ACSBG2: variants seen among roughly 807,000 people sequenced by gnomAD.
ACSBG2 encodes long-chain-fatty-acid--CoA ligase ACSBG2.
ACSBG2 carries 62 observed loss-of-function variants against 74.7 expected under a neutral mutation model. The observed-to-expected ratio is 0.83, with a 90% CI of 0.68 to 1.03. The LOEUF is 1.03. Ranked by LOEUF, ACSBG2 falls within the 50% of genes least tolerant of loss-of-function variation. ACSBG2 has a pLI of 0.00. For synonymous variants in ACSBG2, 309 were observed against 294.1 expected, an observed-to-expected ratio of 1.05 and a Z score of -0.52; for missense variants, 730 against 817.6, an observed-to-expected ratio of 0.89 and a Z score of 1.31.
chr19:6,175,225 T>C (rs532951906), intron 7 of ACSBG2: 1 of 152,362 alleles, frequency 6.6e-6, no homozygotes, highest in East Asian at 1.9e-4. Context: ...GAGGGATATT[T>C]TGGGCTGACT....
At position 6,190,424 on chromosome 19, in the gene ACSBG2, A is replaced by G. The variant is rs145664486; in HGVS notation, c.1928-160A>G. ...TGAAGGATCACATGGAAGTTTTATC[A>G]TCCCCATACAGATGGCAAAAGTTAC... On this transcript the variant is annotated intron_variant, in intron 13 of 14. Coordinates refer to ENST00000588485, the MANE Select transcript of ACSBG2 (RefSeq NM_030924.5). 6 of 595,790 alleles carry G rather than the reference A, an allele frequency of 1.0e-5. No individual in the cohort carries two copies. The African/African-American group carries it at 1.1e-4, about 11-fold the overall frequency. 36.9% of individuals were successfully genotyped at this position (595,790 alleles called of 1,614,324 possible).
At chr19:6,155,088 A>G (rs2089373447) in intron 4 of ACSBG2, among the ~76,000 whole-genome samples, 2 of 152,194 alleles carry the variant, frequency 1.3e-5, no homozygotes, top group Non-Finnish European at 2.9e-5. Context: ...ACCATCTCAA[A>G]TAATTATAAT....
At chr19:6,186,735 C>T (rs1381800996) in intron 11 of ACSBG2, among the ~76,000 whole-genome samples, 2 of 152,162 alleles carry the variant, frequency 1.3e-5, no homozygotes, top group African/African-American at 2.4e-5. Flanking sequence ...GAGAAGGTCT[C>T]GCTCTGTTGG....
intron 7 of ACSBG2, chr19:6,175,388 A>T (rs565516455): frequency 1.3e-5 from 2 of 152,310 alleles, no homozygotes; most frequent in East Asian, 3.8e-4. Flanking sequence ...TTGGGAACAG[A>T]TAAGAAATGA....
At chr19:6,139,786 T>C (rs1004609865) in intron 1 of ACSBG2, among the ~76,000 whole-genome samples, 2 of 152,158 alleles carry the variant, frequency 1.3e-5, no homozygotes, top group African/African-American at 4.8e-5. Context: ...TATTTAGAAT[T>C]TGTGATTTTA....
chr19:6,155,322 A>G (rs981263704), intron 4 of ACSBG2, among the ~76,000 whole-genome samples: 5 of 152,186 alleles, frequency 3.3e-5, no homozygotes, highest in Non-Finnish European at 4.4e-5. Context: ...AGACTAAATC[A>G]TGCAAGTTAA....
At chr19:6,153,088 C>CA (rs965666964) in intron 4 of ACSBG2, among the ~76,000 whole-genome samples, 2 of 151,694 alleles carry the variant, frequency 1.3e-5, no homozygotes, top group African/African-American at 2.4e-5. Context: ...CTAAAAATAC[C>CA]AAAAAAATCA....
intron 5 of ACSBG2, among the ~76,000 whole-genome samples, chr19:6,157,141 G>C (rs2089452800): frequency 6.6e-6 from 1 of 152,102 alleles, no homozygotes; most frequent in African/African-American, 2.4e-5. Flanking sequence ...GTAGAAACGG[G>C]GTTTCACCGT....
chr19:6,142,774 A>G (rs1477810856), intron 2 of ACSBG2, among the ~76,000 whole-genome samples: 1 of 146,428 alleles, frequency 6.8e-6, no homozygotes, highest in Non-Finnish European at 1.5e-5. Flanking sequence ...AAAAATAGTG[A>G]AAGTACTGAG....
chr19:6,137,967 G>C (rs1022947978), intron 1 of ACSBG2, among the ~76,000 whole-genome samples: 1 of 152,040 alleles, frequency 6.6e-6, no homozygotes, highest in Non-Finnish European at 1.5e-5. Context: ...ATTTTTATTT[G>C]TAAACACTTT....
intron 3 of ACSBG2, 49 bp downstream of exon 3, chr19:6,147,724 A>G: frequency 6.4e-7 from 1 of 1,569,618 alleles, no homozygotes; most frequent in East Asian, 2.2e-5. Context: ...CATTCTGAAT[A>G]GGTAACAGAC....
chr19:6,179,026 G>A (rs1323518507), intron 8 of ACSBG2, among the ~76,000 whole-genome samples: 1 of 152,182 alleles, frequency 6.6e-6, no homozygotes, highest in Non-Finnish European at 1.5e-5. Context: ...GTGGGATAGG[G>A]AGCATAACTT....
chr19:6,136,366 A>AATCC (rs1413987138), intron 1 of ACSBG2, among the ~76,000 whole-genome samples: 2 of 152,130 alleles, frequency 1.3e-5, no homozygotes, highest in African/African-American at 4.8e-5. Context: ...TGCTGGGATT[A>AATCC]CAGGCGTGAG....
intron 7 of ACSBG2, among the ~76,000 whole-genome samples, chr19:6,166,280 TTGTGTGTGTGTG>T (rs35422900): frequency 9.3e-4 from 111 of 119,144 alleles, no homozygotes; most frequent in African/African-American, 3.2e-3. Context: ...GTCAGGAAGG[TTGTGTGTGTGTG>T]TGTGTGTGTG....
chr19:6,183,032 T>C lies in ACSBG2; in HGVS notation c.1089-7T>C, dbSNP rs1336634084. On this transcript the variant is annotated splice_region_variant and splice_polypyrimidine_tract_variant and intron_variant, in intron 9 of 14. Transcript: ENST00000588485. ...CCTTCTCCACTTGACGGCATTCTTA[T>C]TCACAGGAAATATAATACTCCCGTG... 2 of 1,613,918 alleles carry C rather than the reference T, an allele frequency of 1.2e-6. No individual in the cohort carries two copies. Among genetic ancestry groups the C allele is most frequent in the African/African-American group, 1.3e-5 (1 of 74,926 alleles).
At chr19:6,161,328 G>A (rs1413548466) in intron 6 of ACSBG2, 33 bp downstream of exon 6, 3 of 1,594,358 alleles carry the variant, frequency 1.9e-6, no homozygotes, top group Non-Finnish European at 8.6e-7. Flanking sequence ...GGGGAAAGGG[G>A]AGGGCGGGGC....
In ACSBG2 at chr19:6,177,215, C is replaced by A; in HGVS notation, c.739-14C>A. On this transcript the variant is annotated splice_polypyrimidine_tract_variant and intron_variant, in intron 7 of 14. Coordinates refer to ENST00000588485, the MANE Select transcript of ACSBG2 (RefSeq NM_030924.5). ...ATGAGGGTGAGGCACCTTGGATTGT[C>A]CCTTATGTTACAGATCACGTGGATT... is the stretch of plus-strand genomic sequence containing the variant. 6.2e-7 allele frequency: 1 copy of A among 1,613,698 alleles called. No homozygotes were observed. The highest frequency in any genetic ancestry group is 8.5e-7 in the Non-Finnish European group (1 of 1,179,894).
chr19:6,190,804 CACAT>C (rs760342288), intron 14 of ACSBG2, 112 bp downstream of exon 14: 13 of 471,160 alleles, frequency 2.8e-5, no homozygotes, highest in East Asian at 8.1e-5. Context: ...CACACATACA[CACAT>C]ACATACACAC....
At chr19:6,154,275 G>A (rs2089337981) in intron 4 of ACSBG2, among the ~76,000 whole-genome samples, 1 of 151,004 alleles carries the variant, frequency 6.6e-6, no homozygotes, top group African/African-American at 2.4e-5. Context: ...GCACATGCCT[G>A]TAATCCCAGC....
Sources: allele counts gnomAD v4.1 joint callset (sites outside exome capture counted in the v4.1 genomes callset), GRCh38; gene constraint gnomAD v4.1.1; transcripts MANE v1.5; gene names NCBI Gene and HGNC (gene_info 2026-07-23, HGNC 2026-07-21).